The following NCAM2 variants were observed in gnomAD, a reference collection of about 807,000 sequenced individuals.
NCAM2 encodes the protein N-CAM-2.
A neutral mutation model predicts 98.1 loss-of-function variants in NCAM2; 30 were observed. That is an observed-to-expected ratio of 0.31 (90% confidence interval 0.23 to 0.41). NCAM2 has a LOEUF of 0.41. NCAM2 is among the 10% of genes least tolerant of loss of function. NCAM2 has a pLI of 1.00. For synonymous variants in NCAM2, 368 were observed against 342.4 expected, an observed-to-expected ratio of 1.07 and a Z score of -0.83; for missense variants, 867 against 1,005.8, an observed-to-expected ratio of 0.86 and a Z score of 1.87.
chr21:21,519,440 A>G (rs977942897), intron 16 of NCAM2, among the ~76,000 whole-genome samples: 3 of 152,078 alleles, frequency 2.0e-5, no homozygotes, highest in South Asian at 2.1e-4. Context: ...GGTAGTGTCA[A>G]TCACCTGATT....
chr21:21,062,571 T>C lies in NCAM2; in HGVS notation c.55+63953T>C, dbSNP rs552712007. Reference sequence around the variant, plus strand: ...TCATAAGGAGCTAACGCTACCGATATCTTGATCTCAGACTTGTAGTCTCAA... The same window carrying C: ...TCATAAGGAGCTAACGCTACCGATACCTTGATCTCAGACTTGTAGTCTCAA... On this transcript the variant is annotated intron_variant, in intron 1 of 17. Coordinates refer to ENST00000400546, the MANE Select transcript of NCAM2 (RefSeq NM_004540.5). Among the ~76,000 whole-genome samples, 5 of 152,298 alleles carry C rather than the reference T, an allele frequency of 3.3e-5. No homozygotes were observed. In the South Asian group the frequency reaches 8.3e-4, roughly 25 times the overall value.
At chr21:21,370,391 T>C (rs769127721) in intron 8 of NCAM2, among the ~76,000 whole-genome samples, 1 of 151,874 alleles carries the variant, frequency 6.6e-6, no homozygotes, top group Non-Finnish European at 1.5e-5. Context: ...TGAAACCAAA[T>C]ATTGTACATG....
At chr21:21,400,009 A>G (rs2076594971) in intron 9 of NCAM2, among the ~76,000 whole-genome samples, 1 of 149,978 alleles carries the variant, frequency 6.7e-6, no homozygotes, top group Admixed American at 6.6e-5. Context: ...TCAGAATAAG[A>G]AAAAAAAGAG....
chr21:21,298,830 C>T (rs1298517805), intron 5 of NCAM2, among the ~76,000 whole-genome samples: 1 of 151,556 alleles, frequency 6.6e-6, no homozygotes, highest in African/African-American at 2.4e-5. Flanking sequence ...GATTTTTCAA[C>T]ATTGTACTTT....
At chr21:21,353,188 GTTTCAATGACTGC>G (rs2075388164) in intron 8 of NCAM2, among the ~76,000 whole-genome samples, 1 of 152,030 alleles carries the variant, frequency 6.6e-6, no homozygotes, top group South Asian at 2.1e-4. Flanking sequence ...TGTTAACTCC[GTTTCAATGACTGC>G]TGTCACACAA....
rs1050171542 is a variant in NCAM2 at position 21,365,376 on chromosome 21, T to A, written c.1045-8487T>A. Reference sequence around the variant, plus strand: ...AACTAAAAGTTGTTCCCAACTCACCTAACAAAGCTTCAAAGCAAACCTCAA... The same window carrying A: ...AACTAAAAGTTGTTCCCAACTCACCAAACAAAGCTTCAAAGCAAACCTCAA... On this transcript the variant is annotated intron_variant, in intron 8 of 17. Coordinates refer to ENST00000400546, the MANE Select transcript of NCAM2 (RefSeq NM_004540.5). Among the ~76,000 whole-genome samples, 9 of 151,950 alleles carry A rather than the reference T, an allele frequency of 5.9e-5. No homozygotes were observed. In the South Asian group the frequency reaches 1.9e-3, roughly 32 times the overall value.
chr21:21,210,702 C>T (rs2069618051), intron 1 of NCAM2: 3 of 1,188,004 alleles, frequency 2.5e-6, no homozygotes, highest in South Asian at 2.9e-5. Flanking sequence ...GTCAGCTGGA[C>T]CATTGCCCAG....
At chr21:21,305,259 G>A (rs1193817942) in intron 5 of NCAM2, among the ~76,000 whole-genome samples, 4 of 151,950 alleles carry the variant, frequency 2.6e-5, no homozygotes, top group East Asian at 3.9e-4. Context: ...TGGAGGTTGC[G>A]GTGAGCCAAG....
chr21:21,468,798 T>C lies in NCAM2; in HGVS notation c.1896+15T>C, dbSNP rs1415742381. On this transcript the variant is annotated intron_variant, in intron 14 of 17. Coordinates refer to ENST00000400546, the MANE Select transcript of NCAM2 (RefSeq NM_004540.5). ...AATATAGAAGTGTAAGTACCTTGTT[T>C]ATTGTCATATCATGCTAGGTTTTTT... The C allele has an allele frequency of 3.1e-6, 5 of 1,605,202 alleles. No homozygotes were observed. Among genetic ancestry groups the C allele is most frequent in the Non-Finnish European group, 4.3e-6 (5 of 1,174,642 alleles).
At chr21:21,372,388 G>C in intron 8 of NCAM2, among the ~76,000 whole-genome samples, 1 of 151,664 alleles carries the variant, frequency 6.6e-6, no homozygotes, top group East Asian at 1.9e-4. Context: ...ATAATGTACA[G>C]TCAGACACTT....
intron 1 of NCAM2, among the ~76,000 whole-genome samples, chr21:21,160,959 G>A (rs115411855): frequency 6.4e-4 from 98 of 152,024 alleles, no homozygotes; most frequent in African/African-American, 2.3e-3. Context: ...CTAAATTATT[G>A]AGTTCAAATA....
intron 10 of NCAM2, among the ~76,000 whole-genome samples, chr21:21,412,334 C>T (rs979852447): frequency 6.6e-6 from 1 of 152,152 alleles, no homozygotes; most frequent in African/African-American, 2.4e-5. Flanking sequence ...CCTTAATTAC[C>T]TTCTTAAAGA....
At chr21:21,109,948 C>T (rs1480350441) in intron 1 of NCAM2, among the ~76,000 whole-genome samples, 2 of 152,202 alleles carry the variant, frequency 1.3e-5, no homozygotes, top group Non-Finnish European at 2.9e-5. Context: ...AGCACAGGCT[C>T]ATAATTATTT....
At chr21:21,380,066 G>A (rs1046912089) in intron 9 of NCAM2, among the ~76,000 whole-genome samples, 2 of 152,054 alleles carry the variant, frequency 1.3e-5, no homozygotes, top group Non-Finnish European at 2.9e-5. Context: ...ATTAGATGGT[G>A]CCCACCCAGA....
intron 1 of NCAM2, among the ~76,000 whole-genome samples, chr21:21,041,733 A>G (rs1211318341): frequency 6.6e-6 from 1 of 152,202 alleles, no homozygotes; most frequent in Non-Finnish European, 1.5e-5. Context: ...GTCAGAATAT[A>G]TTATATAGTA....
At chr21:21,197,117 T>C (rs1434867075) in intron 1 of NCAM2, among the ~76,000 whole-genome samples, 4 of 151,972 alleles carry the variant, frequency 2.6e-5, no homozygotes, top group Non-Finnish European at 5.9e-5. Flanking sequence ...GTTTTTTTGT[T>C]TGTTTCATTT....
chr21:21,309,307 C>CT (rs35915785), intron 5 of NCAM2, among the ~76,000 whole-genome samples: 12 of 151,776 alleles, frequency 7.9e-5, no homozygotes, highest in Admixed American at 2.0e-4. Context: ...TATTTTAGAC[C>CT]TTTTTTTTCT....
chr21:21,451,017 C>A (rs1980982814), intron 12 of NCAM2, among the ~76,000 whole-genome samples: 1 of 151,976 alleles, frequency 6.6e-6, no homozygotes, highest in South Asian at 2.1e-4. Context: ...TCATGAGATT[C>A]ATTTTTAGTG....
Position 21,542,120 on chromosome 21 carries a change from T to C in NCAM2, c.*4163T>C, listed in dbSNP as rs1451603711. 2 of 151,896 alleles carry C rather than the reference T, an allele frequency of 1.3e-5. No individual in the cohort carries two copies. The highest frequency in any genetic ancestry group is 4.8e-5 in the African/African-American group (2 of 41,444). The allele number at this position is 151,896 out of a possible 1,614,324, so 9.4% of individuals were successfully genotyped here. ...TATTTTATTCATGGACTTAATAATG[T>C]CTTAAGATGAAACAATTTTATGTCC... On this transcript the variant is annotated 3_prime_UTR_variant, in exon 18 of 18. Transcript: ENST00000400546.
Sources: allele counts gnomAD v4.1 joint callset (sites outside exome capture counted in the v4.1 genomes callset), GRCh38; gene constraint gnomAD v4.1.1; transcripts MANE v1.5; gene names NCBI Gene and HGNC (gene_info 2026-07-23, HGNC 2026-07-21).